The following ANTXRL variants were observed in gnomAD, a reference collection of about 807,000 sequenced individuals.
ANTXRL encodes the protein ANTXR like, also known as anthrax toxin receptor-like.
A neutral mutation model predicts 75.4 loss-of-function variants in ANTXRL; 63 were observed. That is an observed-to-expected ratio of 0.84 (90% confidence interval 0.68 to 1.03). The LOEUF is 1.03. Among genes scored for constraint, ANTXRL ranks in the 50% least tolerant of loss-of-function variants. The pLI is 0.00. For missense variants in ANTXRL, 797 were observed against 789.4 expected, an observed-to-expected ratio of 1.01 and a Z score of -0.12; for synonymous variants, 335 against 291.3, an observed-to-expected ratio of 1.15 and a Z score of -1.53.
intron 2 of ANTXRL, among the ~76,000 whole-genome samples, 172 bp downstream of exon 2, chr10:46,292,301 A>T (rs1837025353): frequency 6.6e-6 from 1 of 152,102 alleles, no homozygotes. Context: ...CACTGGTTCC[A>T]TGGGGTCTCA....
chr10:46,291,125 C>T (rs1554956329), intron 1 of ANTXRL, among the ~76,000 whole-genome samples: 1 of 152,232 alleles, frequency 6.6e-6, no homozygotes, highest in Non-Finnish European at 1.5e-5. Context: ...ACAGAAGGGT[C>T]CAACTTCATT....
chr10:46,295,063 C>T (rs1433213867), intron 3 of ANTXRL, among the ~76,000 whole-genome samples: 6 of 152,196 alleles, frequency 3.9e-5, no homozygotes, highest in Non-Finnish European at 7.3e-5. Flanking sequence ...CCTCATGCCC[C>T]GGCCAGTCCG....
In ANTXRL at chr10:46,296,238, G is replaced by A; in HGVS notation, c.494G>A (p.Ser165Asn). ...TTGCAGGCAATTCAACAGATCGAAAGTTTCAACTCCGGAAGTAAGCACCTG... is the reference window on the plus strand; with the variant it reads ...TTGCAGGCAATTCAACAGATCGAAAATTTCAACTCCGGAAGTAAGCACCTG... ...GFRKAIQQIE[S>N]FNSGNKVPSM... Residue 165 changes from serine to asparagine, a missense_variant, in exon 5 of 17, where the codon AGT becomes AAT. Ser to Asn is a conservative substitution (Grantham distance 46). Around this residue, in one of 3 missense-constraint regions of ANTXRL, gnomAD observed 262 missense variants for 271.9 expected, o/e 0.96. Coordinates refer to ENST00000620264, the MANE Select transcript of ANTXRL (RefSeq NM_001278688.3). 5 of 1,535,870 alleles carry A rather than the reference G, an allele frequency of 3.3e-6. No individual in the cohort carries two copies. Among genetic ancestry groups the A allele is most frequent in the Non-Finnish European group, 4.4e-6 (5 of 1,146,738 alleles).
intron 15 of ANTXRL, 129 bp from the exon 16 acceptor site, chr10:46,313,107 C>G (rs1838522795): frequency 1.2e-6 from 1 of 852,992 alleles, no homozygotes; most frequent in Non-Finnish European, 1.9e-6. Context: ...GCCCCTCCCC[C>G]AGAGGGGGAT....
intron 16 of ANTXRL, among the ~76,000 whole-genome samples, chr10:46,315,377 G>C (rs1375005282): frequency 2.0e-5 from 3 of 152,240 alleles, no homozygotes; most frequent in Non-Finnish European, 4.4e-5. Context: ...CTCGGCCCCA[G>C]CCAGGCAGCC....
intron 9 of ANTXRL, among the ~76,000 whole-genome samples, chr10:46,299,816 T>C (rs1837606420): frequency 6.6e-6 from 1 of 152,130 alleles, no homozygotes; most frequent in Non-Finnish European, 1.5e-5. Context: ...GGCACAGGGC[T>C]GGGAGCTGGC....
chr10:46,296,477 G>T (rs1372515123), intron 5 of ANTXRL, among the ~76,000 whole-genome samples: 1 of 152,174 alleles, frequency 6.6e-6, no homozygotes, highest in Non-Finnish European at 1.5e-5. Flanking sequence ...GTGCAGTTCT[G>T]GTGCTCATAA....
At chr10:46,314,950 A>T (rs1838641263) in intron 16 of ANTXRL, among the ~76,000 whole-genome samples, 1 of 152,036 alleles carries the variant, frequency 6.6e-6, no homozygotes, top group Admixed American at 6.6e-5. Flanking sequence ...CGACAACCTA[A>T]TTTGACCTTG....
At chr10:46,294,112 C>G (rs1464072256) in intron 3 of ANTXRL, 2 of 567,442 alleles carry the variant, frequency 3.5e-6, no homozygotes, top group Non-Finnish European at 6.2e-6. Flanking sequence ...GGCCCCTGTG[C>G]TCCAGAAGTT....
intron 16 of ANTXRL, among the ~76,000 whole-genome samples, chr10:46,314,857 A>C (rs1283267744): frequency 6.6e-6 from 1 of 152,128 alleles, no homozygotes. Flanking sequence ...CCAGGCTATC[A>C]GAAATCAACC....
chr10:46,304,133 G>A (rs1422688107), intron 10 of ANTXRL, among the ~76,000 whole-genome samples: 1 of 152,124 alleles, frequency 6.6e-6, no homozygotes, highest in Non-Finnish European at 1.5e-5. Context: ...TAGGGACTGA[G>A]CAGCCCCTTT....
At chr10:46,299,434 CCT>C (rs782139069) in intron 9 of ANTXRL, among the ~76,000 whole-genome samples, 16 of 152,114 alleles carry the variant, frequency 1.1e-4, no homozygotes, top group Non-Finnish European at 1.6e-4. Flanking sequence ...CTCTGTGATG[CCT>C]CTGTCTGTCC....
At chr10:46,296,691 T>C (rs1376592773) in intron 5 of ANTXRL, among the ~76,000 whole-genome samples, 10 of 152,128 alleles carry the variant, frequency 6.6e-5, no homozygotes, top group Non-Finnish European at 1.0e-4. Context: ...GCTGCAGCTC[T>C]TGTCAGGAAA....
intron 5 of ANTXRL, 100 bp from the exon 6 acceptor site, chr10:46,297,152 G>C: frequency 1.0e-6 from 1 of 977,662 alleles, no homozygotes; most frequent in Non-Finnish European, 1.5e-6. Flanking sequence ...GCCCTGGAGT[G>C]GGCAGCGCTG....
At position 46,287,270 on chromosome 10, in the gene ANTXRL, G is replaced by T; in HGVS notation, c.8G>T (p.Ser3Ile). Reference protein sequence around the residue: MGSHESLGPYFLV... With the variant: MGIHESLGPYFLV... ...CACAGGGACAGCCAGATAATGGGGA[G>T]CCATGAGTCCCTGGGGCCCTACTTC... is the stretch of plus-strand genomic sequence containing the variant. Residue 3 changes from serine to isoleucine, a missense_variant, in exon 1 of 17, where the codon AGC becomes ATC. By Grantham distance (142) the Ser-to-Ile change is moderately radical. This residue lies in a region of ANTXRL where 262 missense variants were observed against 271.9 expected (regional missense o/e 0.96). Transcript: ENST00000620264. The T allele has an allele frequency of 6.5e-7, 1 of 1,535,756 alleles. No homozygotes were observed. Among genetic ancestry groups the T allele is most frequent in the Non-Finnish European group, 8.7e-7 (1 of 1,146,706 alleles).
intron 15 of ANTXRL, among the ~76,000 whole-genome samples, chr10:46,311,888 G>A (rs1387534155): frequency 6.6e-6 from 1 of 151,826 alleles, no homozygotes; most frequent in Non-Finnish European, 1.5e-5. Context: ...CACCGGGTCT[G>A]TCCCCACACA....
chr10:46,290,267 C>G (rs148198335), intron 1 of ANTXRL, among the ~76,000 whole-genome samples: 5,473 of 152,162 alleles, frequency 0.036, 199 homozygotes, highest in East Asian at 0.12. Context: ...TGGTCTTGAA[C>G]TCCTGACCTC....
At chr10:46,307,218 C>A (rs181796712) in intron 11 of ANTXRL, among the ~76,000 whole-genome samples, 184 bp from the exon 12 acceptor site, 1 of 152,094 alleles carries the variant, frequency 6.6e-6, no homozygotes, top group African/African-American at 2.4e-5. Flanking sequence ...ATTTAGGACG[C>A]GGTCACAATG....
At chr10:46,328,675 T>G (rs557022478) in intron 16 of ANTXRL, among the ~76,000 whole-genome samples, 1 of 152,172 alleles carries the variant, frequency 6.6e-6, no homozygotes, top group South Asian at 2.1e-4. Context: ...ATGTGCAGGT[T>G]TGTTACATCG....
Sources: allele counts gnomAD v4.1 joint callset (sites outside exome capture counted in the v4.1 genomes callset), GRCh38; gene constraint gnomAD v4.1.1; regional missense constraint gnomAD v4.1.1; transcripts MANE v1.5; gene names NCBI Gene and HGNC (gene_info 2026-07-23, HGNC 2026-07-21).